The following GCDH variants were observed in gnomAD, a reference collection of about 807,000 sequenced individuals.
The protein encoded by GCDH is glutaryl-CoA dehydrogenase.
GCDH carries 31 observed loss-of-function variants against 52.8 expected under a neutral mutation model. The observed-to-expected ratio is 0.59, with a 90% confidence interval of 0.44 to 0.79. The LOEUF is 0.79. Among genes scored for constraint, GCDH ranks in the 30% least tolerant of loss-of-function variants. GCDH has a pLI of 0.00. For synonymous variants in GCDH, 242 were observed against 250.0 expected (o/e 0.97, Z 0.30); for missense variants, 509 against 595.0 (o/e 0.86, Z 1.50).
Position 12,897,516 on chromosome 19 carries a change from G to A in GCDH, c.1082+88G>A, listed in dbSNP as rs560172130. The A allele has an allele frequency of 2.8e-5, 42 of 1,525,750 alleles. No individual in the cohort carries two copies. The African/African-American group carries it at 5.3e-4, about 19-fold the overall frequency. 94.5% of individuals were successfully genotyped at this position (1,525,750 alleles called of 1,614,324 possible). A position where few individuals can be genotyped will look rare whatever the true frequency, so the allele number is the denominator to read the frequency against. ...CTGGAGAGAAAGGTCCTTCCTGCCT[G>A]GTGGCCCTGGGGACCTGAACCTTCT... On this transcript the variant is annotated intron_variant, in intron 10 of 11. Transcript: ENST00000222214.
chr19:12,898,474 G>A (rs1444076466), intron 11 of GCDH: 2 of 157,432 alleles, frequency 1.3e-5, no homozygotes, highest in Non-Finnish European at 2.8e-5. Flanking sequence ...ATGCAGGAGG[G>A]GTGCCTTCCC....
At position 12,896,972 on chromosome 19, in the gene GCDH, G is replaced by A. The variant is rs375120734; in HGVS notation, c.915G>A (p.Ser305=). The A allele has an allele frequency of 3.2e-5, 51 of 1,612,888 alleles. No individual in the cohort carries two copies. The highest frequency in any genetic ancestry group is 1.6e-4 in the African/African-American group (12 of 74,912). Residue 305 remains serine (S), a synonymous_variant, in exon 9 of 12, where the codon TCG becomes TCA. Coordinates refer to ENST00000222214, the MANE Select transcript of GCDH (RefSeq NM_000159.4). The surrounding 1 kb of genome is among the most constrained non-coding windows in gnomAD (Gnocchi z 5.5). ...YGIAWGVLGA[S]EFCLHTARQY... ...TCGCGTGGGGCGTGCTTGGAGCTTC[G>A]GAGTTCTGCTTGCACACAGCCCGGC...
Position 12,896,526 on chromosome 19 carries a change from A to G in GCDH, c.852+105A>G, listed in dbSNP as rs1462724833. On this transcript the variant is annotated intron_variant, in intron 8 of 11. Coordinates refer to ENST00000222214, the MANE Select transcript of GCDH (RefSeq NM_000159.4). This position sits in a 1 kb window ranked among gnomAD's most constrained non-coding sequence, Gnocchi z 5.5. ...GCGGCTCCCTGTGCCTGTGGAGCCC[A>G]CACAGTGGTGATTCTTACTCAGCCG... 9 of 886,592 alleles carry G rather than the reference A, an allele frequency of 1.0e-5. No individual in the cohort carries two copies. Among genetic ancestry groups the G allele is most frequent in the African/African-American group, 6.6e-5 (4 of 60,618 alleles). 54.9% of individuals were successfully genotyped at this position (886,592 alleles called of 1,614,324 possible).
At position 12,899,895 on chromosome 19, in the gene GCDH, C is replaced by T. The variant is rs756962661; in HGVS notation, c.*354C>T. 1 of 1,601,894 alleles carries T rather than the reference C, an allele frequency of 6.2e-7. No homozygotes were observed. The highest frequency in any genetic ancestry group is 8.5e-7 in the Non-Finnish European group (1 of 1,172,054). On this transcript the variant is annotated 3_prime_UTR_variant, in exon 12 of 12. Coordinates refer to ENST00000222214, the MANE Select transcript of GCDH (RefSeq NM_000159.4). The stretch of plus-strand genomic sequence containing the variant: ...GTTCACAGTGCGCCCTCCCTCCCTC[C>T]CATCTGGGGGTAGTGCCTTATGCTG...
In GCDH at chr19:12,896,263, T is replaced by G. The variant is rs768444761; in HGVS notation, c.694T>G (p.Cys232Gly). Reference sequence around the variant, plus strand: ...AGTGTGGGCTCGGTGTGAAGATGGCTGCATTCGGGGCTTCCTGCTGGAGAA... The same window carrying G: ...AGTGTGGGCTCGGTGTGAAGATGGCGGCATTCGGGGCTTCCTGCTGGAGAA... ...FVVWARCEDG[C>G]IRGFLLEKGM... The change falls in exon 8 of 12, where the codon TGC becomes GGC. Residue 232 changes from cysteine (C) to glycine (G), a missense_variant. Transcript: ENST00000222214. This position sits in a 1 kb window ranked among gnomAD's most constrained non-coding sequence, Gnocchi z 5.5. 1.1e-5 allele frequency: 18 copies of G among 1,614,080 alleles called. No individual in the cohort carries two copies. The highest frequency in any genetic ancestry group is 1.5e-5 in the Non-Finnish European group (18 of 1,180,002).
intron 9 of GCDH, 55 bp from the exon 10 acceptor site, chr19:12,897,248 G>A (rs1970703622): frequency 1.2e-6 from 2 of 1,610,836 alleles, no homozygotes; most frequent in African/African-American, 1.3e-5. Flanking sequence ...CCAGGACAGG[G>A]ACGGGGTGGG....
chr19:12,897,445 G>A lies in GCDH; in HGVS notation c.1082+17G>A, dbSNP rs1469769180. On this transcript the variant is annotated intron_variant, in intron 10 of 11. Transcript: ENST00000222214. ...CCAGGACAAGTAGGGGCTGTGTGGT[G>A]GGGGCGGGGGGATGGCAGCGGTGGC... 2 of 1,612,210 alleles carry A rather than the reference G, an allele frequency of 1.2e-6. No individual in the cohort carries two copies. Among genetic ancestry groups the A allele is most frequent in the South Asian group, 1.1e-5 (1 of 91,072 alleles).
chr19:12,897,470 C>T (rs1458985572), intron 10 of GCDH, 42 bp downstream of exon 10: 1 of 1,606,020 alleles, frequency 6.2e-7, no homozygotes, highest in South Asian at 1.1e-5. Context: ...GCAGCGGTGG[C>T]TGGAGGACCT....
chr19:12,899,607 G>A lies in GCDH; in HGVS notation c.*66G>A, dbSNP rs1304737377. On this transcript the variant is annotated 3_prime_UTR_variant, in exon 12 of 12. Coordinates refer to ENST00000222214, the MANE Select transcript of GCDH (RefSeq NM_000159.4). ...GGAGAGATGCCTGGCTGGACCGTAG[G>A]AGCGCTGTGCTCTGAGCTTAGAAAG... is the stretch of plus-strand genomic sequence containing the variant. 12 of 1,613,518 alleles carry A rather than the reference G, an allele frequency of 7.4e-6. No homozygotes were observed. The highest frequency in any genetic ancestry group is 1.0e-5 in the Non-Finnish European group (12 of 1,179,816).
chr19:12,892,113 C>T lies in GCDH; in HGVS notation c.272-3C>T. On this transcript the variant is annotated splice_region_variant and splice_polypyrimidine_tract_variant and intron_variant, in intron 4 of 11. Transcript: ENST00000222214. The stretch of plus-strand genomic sequence containing the variant: ...CTGAATTTGGGCACTGGTCCCTTTG[C>T]AGTTTTTCATCGGGAGATCATTTCG... 2 of 1,614,090 alleles carry T rather than the reference C, an allele frequency of 1.2e-6. No homozygotes were observed. The highest frequency in any genetic ancestry group is 8.5e-7 in the Non-Finnish European group (1 of 1,179,958).
chr19:12,897,504 T>C (rs1275396235), intron 10 of GCDH, 76 bp downstream of exon 10: 1 of 1,556,092 alleles, frequency 6.4e-7, no homozygotes, highest in African/African-American at 1.4e-5. Context: ...GAGAGAAAGG[T>C]CCTTCCTGCC....
At chr19:12,891,611 T>C in intron 3 of GCDH, 89 bp downstream of exon 3, 1 of 1,612,500 alleles carries the variant, frequency 6.2e-7, no homozygotes, top group Non-Finnish European at 8.5e-7. Flanking sequence ...ATCCGAGAGC[T>C]GCCCGAGCGG....
At chr19:12,891,566 G>A in intron 3 of GCDH, 44 bp downstream of exon 3, 1 of 1,614,078 alleles carries the variant, frequency 6.2e-7, no homozygotes, top group South Asian at 1.1e-5. Flanking sequence ...CCCCTGTTCA[G>A]CTGTCTGTCT....
intron 6 of GCDH, among the ~76,000 whole-genome samples, chr19:12,895,269 TC>T (rs1286073656): frequency 2.0e-5 from 3 of 152,084 alleles, no homozygotes; most frequent in Non-Finnish European, 4.4e-5. Context: ...ATTTTTTTTT[TC>T]TTTTTTTGAG....
intron 11 of GCDH, 161 bp from the exon 12 acceptor site, chr19:12,899,307 G>T (rs1970775320): frequency 1.9e-6 from 3 of 1,588,814 alleles, no homozygotes; most frequent in Admixed American, 1.7e-5. Context: ...TTCTCCTGGA[G>T]ACTGTCACTA....
chr19:12,891,367 C>T lies in GCDH; in HGVS notation c.63C>T (p.Arg21=), dbSNP rs1970551253. 12 of 1,613,934 alleles carry T rather than the reference C, an allele frequency of 7.4e-6. No individual in the cohort carries two copies. Among genetic ancestry groups the T allele is most frequent in the Non-Finnish European group, 1.0e-5 (12 of 1,180,016 alleles). ...LSRGPGLHVL[R]TWVSSAAQTE... ...GCGGACCCGGCCTGCACGTCCTTCG[C>T]ACGTGGGTCTCGTCGGCGGCGCAGA... Residue 21 remains arginine (R), a synonymous_variant, in exon 2 of 12, where the codon CGC becomes CGT. Coordinates refer to ENST00000222214, the MANE Select transcript of GCDH (RefSeq NM_000159.4).
Position 12,893,546 on chromosome 19 carries a change from T to G in GCDH, c.398T>G (p.Val133Gly), listed in dbSNP as rs772549903. ...CTCCTGGCCCGAGAGCTGGAGCGGG[T>G]GGACAGTGGCTACAGGTCGGCGATG... ...YGLLARELER[V>G]DSGYRSAMSV... Residue 133 changes from valine to glycine, a missense_variant, in exon 6 of 12, where the codon GTG becomes GGG. Val to Gly is a moderately radical substitution (Grantham distance 109). Coordinates refer to ENST00000222214, the MANE Select transcript of GCDH (RefSeq NM_000159.4). 6.2e-7 allele frequency: 1 copy of G among 1,613,034 alleles called. No homozygotes were observed. The highest frequency in any genetic ancestry group is 2.2e-5 in the East Asian group (1 of 44,830).
intron 6 of GCDH, chr19:12,894,722 C>A: frequency 2.5e-6 from 2 of 805,002 alleles, no homozygotes; most frequent in Non-Finnish European, 3.9e-6. Flanking sequence ...TCTGAAGCAG[C>A]CGCATATTAA....
At chr19:12,894,436 G>T in intron 6 of GCDH, 1 of 746,058 alleles carries the variant, frequency 1.3e-6, no homozygotes, top group South Asian at 1.4e-5. Context: ...TGGTTGCATC[G>T]TGGATGCCAA....
Sources: gnomAD v4.1 joint callset for allele counts (sites outside exome capture counted in the v4.1 genomes callset) on GRCh38, gnomAD v4.1.1 for gene constraint, Gnocchi (gnomAD v3.1) non-coding constraint, MANE v1.5 for transcripts, NCBI Gene and HGNC (gene_info 2026-07-23, HGNC 2026-07-21) for gene names.